Variants in CERS3 observed in about 807,000 individuals in gnomAD.
The protein encoded by CERS3 is LAG1 homolog, ceramide synthase 3.
CERS3 carries 33 observed loss-of-function variants against 50.3 expected under a neutral mutation model. The observed-to-expected ratio is 0.66, with a 90% confidence interval of 0.50 to 0.88. CERS3 has a LOEUF of 0.88. Among genes scored for constraint, CERS3 ranks in the 40% least tolerant of loss-of-function variants. The probability of loss-of-function intolerance (pLI) is 0.00; values close to 1 mark genes in which losing one functional copy is unlikely to be tolerated. For missense variants in CERS3, 470 were observed against 460.3 expected (o/e 1.02, Z -0.19); for synonymous variants, 176 against 155.2 (o/e 1.13, Z -0.99).
At chr15:100,439,250 A>G (rs1365344234) in intron 11 of CERS3, among the ~76,000 whole-genome samples, 1 of 150,882 alleles carries the variant, frequency 6.6e-6, no homozygotes, top group Admixed American at 6.6e-5. Context: ...ATTGTTTAGA[A>G]AAAATAAGAT....
chr15:100,471,111 G>A (rs1381934850), intron 9 of CERS3, among the ~76,000 whole-genome samples: 6 of 152,106 alleles, frequency 3.9e-5, no homozygotes, highest in Non-Finnish European at 5.9e-5. Context: ...CTTGCTCATC[G>A]AACCTCACAT....
At chr15:100,405,249 C>CA (rs945329307) in intron 11 of CERS3, among the ~76,000 whole-genome samples, 14 of 39,160 alleles carry the variant, frequency 3.6e-4, no homozygotes, top group African/African-American at 7.9e-4. Flanking sequence ...AAAAAAAAAA[C>CA]AAAAAAAAAC....
intron 11 of CERS3, among the ~76,000 whole-genome samples, chr15:100,407,674 A>G (rs983305362): frequency 1.3e-5 from 2 of 152,334 alleles, no homozygotes; most frequent in South Asian, 2.1e-4. Context: ...TCAGGAAAAA[A>G]AAAGAATGGT....
Position 100,402,720 on chromosome 15 carries a change from C to T in CERS3, c.1145G>A (p.Gly382Asp). The change falls in exon 12 of 12, where the codon GGC becomes GAC. Residue 382 changes from glycine (G) to aspartate (D), a missense_variant. Gly to Asp is a moderately conservative substitution (Grantham distance 94). Transcript: ENST00000679737. ...ERHLIPNGQH[G>D]H Reference sequence around the variant, plus strand: ...AGTCCTGTAGGCTTCCAGCTAATGGCCATGCTGGCCATTGGGAATGAGGTG... The same window carrying T: ...AGTCCTGTAGGCTTCCAGCTAATGGTCATGCTGGCCATTGGGAATGAGGTG... The T allele has an allele frequency of 1.2e-6, 2 of 1,613,934 alleles. No individual in the cohort carries two copies. Among genetic ancestry groups the T allele is most frequent in the South Asian group, 1.1e-5 (1 of 91,058 alleles).
intron 11 of CERS3, among the ~76,000 whole-genome samples, chr15:100,449,983 A>G (rs2034094410): frequency 6.6e-6 from 1 of 152,226 alleles, no homozygotes; most frequent in South Asian, 2.1e-4. Context: ...GATAAACAAT[A>G]CAAGGAAATC....
chr15:100,463,583 C>G (rs935253359), intron 10 of CERS3, among the ~76,000 whole-genome samples: 2 of 151,912 alleles, frequency 1.3e-5, no homozygotes, highest in Non-Finnish European at 2.9e-5. Context: ...TCAAAAATAG[C>G]ATAAAGAAGG....
intron 4 of CERS3, among the ~76,000 whole-genome samples, chr15:100,486,516 A>G (rs1293373023): frequency 2.0e-5 from 3 of 152,248 alleles, no homozygotes; most frequent in Non-Finnish European, 4.4e-5. Context: ...AGAGATTTTG[A>G]TGACCAAACA....
At chr15:100,473,967 C>T (rs1357021730) in intron 8 of CERS3, among the ~76,000 whole-genome samples, 1 of 152,208 alleles carries the variant, frequency 6.6e-6, no homozygotes, top group Non-Finnish European at 1.5e-5. Context: ...TAATGATGTA[C>T]TGATACATGC....
intron 1 of CERS3, among the ~76,000 whole-genome samples, chr15:100,527,517 C>A (rs2036829428): frequency 6.6e-6 from 1 of 152,176 alleles, no homozygotes. Context: ...CTTCAGGAAT[C>A]CCTCCACACA....
rs1337094766 is a variant in CERS3 at position 100,428,820 on chromosome 15, A to G, written c.1000-25955T>C. Among the ~76,000 whole-genome samples the G allele has an allele frequency of 2.0e-5, 3 of 152,254 alleles. 1 individual carries two copies. In the South Asian group the frequency reaches 6.2e-4, roughly 31 times the overall value. On this transcript the variant is annotated intron_variant, in intron 11 of 11. Transcript: ENST00000679737. ...GTTAGGAAGTAGAGAATACTATGATATTTAAATAGAGGAATCTCACTTAGA... is the reference window on the plus strand; with the variant it reads ...GTTAGGAAGTAGAGAATACTATGATGTTTAAATAGAGGAATCTCACTTAGA...
intron 11 of CERS3, chr15:100,425,872 C>G (rs2032780362): frequency 6.6e-6 from 1 of 150,872 alleles, no homozygotes; most frequent in African/African-American, 2.4e-5. Context: ...TGGGAGGTGA[C>G]TGGATCAAGG....
chr15:100,433,633 G>T (rs1359321890), intron 11 of CERS3, among the ~76,000 whole-genome samples: 1 of 152,072 alleles, frequency 6.6e-6, no homozygotes, highest in Non-Finnish European at 1.5e-5. Flanking sequence ...TTCTCCCTTT[G>T]CCCAGCCCAG....
At chr15:100,476,275 C>T (rs986098009) in intron 7 of CERS3, 97 bp from the exon 8 acceptor site, 3 of 607,156 alleles carry the variant, frequency 4.9e-6, no homozygotes, top group Admixed American at 7.2e-5. Context: ...TTATATCCCA[C>T]CAGATTCCAT....
chr15:100,484,724 G>A, intron 4 of CERS3, 56 bp from the exon 5 acceptor site: 2 of 1,262,756 alleles, frequency 1.6e-6, no homozygotes, highest in South Asian at 2.4e-5. Flanking sequence ...AGACTGGCAG[G>A]CAGACAAGAG....
chr15:100,468,048 A>T (rs187591646), intron 10 of CERS3, among the ~76,000 whole-genome samples: 4 of 151,862 alleles, frequency 2.6e-5, no homozygotes, highest in Admixed American at 2.6e-4. Flanking sequence ...TCACAAACAC[A>T]CTTGCTCAGT....
intron 3 of CERS3, among the ~76,000 whole-genome samples, chr15:100,494,469 G>A (rs1042174947): frequency 4.6e-5 from 7 of 151,494 alleles, no homozygotes; most frequent in Non-Finnish European, 7.4e-5. Flanking sequence ...GGATGGTCTC[G>A]ATCTCCTGAC....
At chr15:100,421,555 A>G (rs1186179634) in intron 11 of CERS3, among the ~76,000 whole-genome samples, 1 of 150,284 alleles carries the variant, frequency 6.7e-6, no homozygotes, top group East Asian at 1.9e-4. Context: ...GCTACCAATG[A>G]CTTTCTTCAC....
intron 11 of CERS3, among the ~76,000 whole-genome samples, chr15:100,406,460 A>G (rs949913965): frequency 6.6e-6 from 1 of 152,198 alleles, no homozygotes; most frequent in Non-Finnish European, 1.5e-5. Context: ...TGAAAAACCA[A>G]AGTGCCCACA....
At chr15:100,541,837 C>G (rs1241613752) in intron 1 of CERS3, among the ~76,000 whole-genome samples, 1 of 152,056 alleles carries the variant, frequency 6.6e-6, no homozygotes, top group Non-Finnish European at 1.5e-5. Context: ...TTGTGGAGCT[C>G]TCATCAAAGC....
Sources: allele counts gnomAD v4.1 joint callset (sites outside exome capture counted in the v4.1 genomes callset), GRCh38; gene constraint gnomAD v4.1.1; transcripts MANE v1.5; gene names NCBI Gene and HGNC (gene_info 2026-07-23, HGNC 2026-07-21).